The following KHSRP variants were observed in gnomAD, a reference collection of about 807,000 sequenced individuals.
KHSRP encodes the protein far upstream element-binding protein 2.
KHSRP carries 13 observed loss-of-function variants against 94.9 expected under a neutral mutation model. The ratio of observed to expected loss-of-function variants is 0.14; its 90% CI spans 0.09 to 0.22. KHSRP has a LOEUF of 0.22. Among genes scored for constraint, KHSRP ranks in the 10% least tolerant of loss-of-function variants. KHSRP has a pLI of 1.00. For missense variants in KHSRP, 710 were observed against 1,010.0 expected (o/e 0.70, Z 4.03); for synonymous variants, 495 against 401.4 (o/e 1.23, Z -2.79).
rs1274888382 is a variant in KHSRP at position 6,415,743 on chromosome 19, G to C, written c.1688-9C>G. 6.4e-7 allele frequency: 1 copy of C among 1,550,726 alleles called. No homozygotes were observed. Among genetic ancestry groups the C allele is most frequent in the Non-Finnish European group, 8.7e-7 (1 of 1,147,190 alleles). On this transcript the variant is annotated splice_polypyrimidine_tract_variant and intron_variant, in intron 16 of 18. Coordinates refer to ENST00000600480, the MANE Select transcript of KHSRP (RefSeq NM_001366299.1). Reference sequence around the variant, plus strand: ...CGCTGCAGCTGCTTTGCCTGCAGGAGATACCTCGGGTGAGACGGGGGGACA... The same window carrying C: ...CGCTGCAGCTGCTTTGCCTGCAGGACATACCTCGGGTGAGACGGGGGGACA...
rs1365293750 is a variant in KHSRP, at chr19:6,424,555, GCCGCCGCCGCCGGGA to G, written c.132_146del (p.Gly49_Gly53del). The G allele has an allele frequency of 3.2e-5, 31 of 961,366 alleles. No individual in the cohort carries two copies. The highest frequency in any genetic ancestry group is 1.3e-4 in the Admixed American group (2 of 15,724). The allele number at this position is 961,366 out of a possible 1,614,324, so 59.6% of individuals were successfully genotyped here. A position where few individuals can be genotyped will look rare whatever the true frequency, so the allele number is the denominator to read the frequency against. ...GGCCCCCGGCCGACCCCCCGCCCGG[GCCGCCGCCGCCGGGA>G]CCGCCGCCGCCCCGGTCCCCCGCGC... On this transcript the variant is annotated inframe_deletion, in exon 1 of 19. Transcript: ENST00000600480.
intron 17 of KHSRP, 30 bp from the exon 18 acceptor site, chr19:6,415,487 C>T (rs1267710643): frequency 4.5e-6 from 7 of 1,550,696 alleles, no homozygotes; most frequent in Admixed American, 3.9e-5. Context: ...GGTCAGAAAC[C>T]ACTCCCCCGG....
In KHSRP at chr19:6,416,310, C is replaced by T. The variant is rs1278433497; in HGVS notation, c.1586G>A (p.Gly529Glu). 4 of 1,601,888 alleles carry T rather than the reference C, an allele frequency of 2.5e-6. No homozygotes were observed. Among genetic ancestry groups the T allele is most frequent in the Non-Finnish European group, 3.4e-6 (4 of 1,176,640 alleles). The change falls in exon 15 of 19, where the codon GGG becomes GAG. Residue 529 changes from glycine to glutamate, a missense_variant. Around this residue, in one of 5 missense-constraint regions of KHSRP, gnomAD observed 292 missense variants for 340.5 expected, o/e 0.86. Transcript: ENST00000600480. ...AGAGGATACTCACTGTGGGGGAGCCCCGGGTGGCCCCTGGTTGAAGGGCCC... is the reference window on the plus strand; with the variant it reads ...AGAGGATACTCACTGTGGGGGAGCCTCGGGTGGCCCCTGGTTGAAGGGCCC... ...NPGPFNQGPP[G>E]APPHAGGPPP...
intron 13 of KHSRP, 33 bp downstream of exon 13, chr19:6,416,705 G>A (rs772128999): frequency 2.4e-5 from 39 of 1,611,416 alleles, no homozygotes; most frequent in Non-Finnish European, 2.7e-5. Flanking sequence ...GGGAAGAGGG[G>A]GCAAGGGATA....
Position 6,414,525 on chromosome 19 carries a change from C to T in KHSRP, c.*499G>A. On this transcript the variant is annotated 3_prime_UTR_variant, in exon 19 of 19. Transcript: ENST00000600480. ...AAGGTGGCAACGATCTTCACGCCCACTTCACAGACAAGCCCGGGACACAGG... is the reference window on the plus strand; with the variant it reads ...AAGGTGGCAACGATCTTCACGCCCATTTCACAGACAAGCCCGGGACACAGG... 6 of 1,044,672 alleles carry T rather than the reference C, an allele frequency of 5.7e-6. No homozygotes were observed. Among genetic ancestry groups the T allele is most frequent in the Non-Finnish European group, 6.9e-6 (6 of 868,478 alleles). The allele number at this position is 1,044,672 out of a possible 1,614,324, so 64.7% of individuals were successfully genotyped here.
chr19:6,418,261 G>A lies in KHSRP; in HGVS notation c.880-182C>T, dbSNP rs573909926. Among the ~76,000 whole-genome samples, 4 of 152,212 alleles carry A rather than the reference G, an allele frequency of 2.6e-5. No homozygotes were observed. In the South Asian group the frequency reaches 6.2e-4, roughly 24 times the overall value. The stretch of plus-strand genomic sequence containing the variant: ...GGCACTACCAGCAGCCCCGTTTCCA[G>A]ATAAAAAAGCAGAAGGTCAGAGGTG... On this transcript the variant is annotated intron_variant, in intron 9 of 18. Coordinates refer to ENST00000600480, the MANE Select transcript of KHSRP (RefSeq NM_001366299.1). This position sits in a 1 kb window ranked among gnomAD's most constrained non-coding sequence, Gnocchi z 4.3.
rs369979828 is a variant in KHSRP, at chr19:6,418,756, C to T, written c.726G>A (p.Ala242=). The T allele has an allele frequency of 2.6e-5, 42 of 1,612,938 alleles. No individual in the cohort carries two copies. In the Middle Eastern group the frequency reaches 5.0e-4, roughly 19 times the overall value. Residue 242 remains alanine (A), a synonymous_variant, in exon 8 of 19, where the codon GCG becomes GCA. Coordinates refer to ENST00000600480, the MANE Select transcript of KHSRP (RefSeq NM_001366299.1). The surrounding 1 kb of genome is among the most constrained non-coding windows in gnomAD (Gnocchi z 4.3). ...TGCCAATGACCAGGCCGGCCTTGCC[C>T]GCGGGGATCATGATCTCCTGCACGG... ...NGTVQEIMIP[A]GKAGLVIGKG...
Position 6,414,998 on chromosome 19 carries a change from C to A in KHSRP, c.*26G>T, listed in dbSNP as rs187033993. 7 of 1,448,220 alleles carry A rather than the reference C, an allele frequency of 4.8e-6. No individual in the cohort carries two copies. Among genetic ancestry groups the A allele is most frequent in the African/African-American group, 1.4e-5 (1 of 70,002 alleles). The allele number at this position is 1,448,220 out of a possible 1,614,324, so 89.7% of individuals were successfully genotyped here. A position where few individuals can be genotyped will look rare whatever the true frequency, so the allele number is the denominator to read the frequency against. On this transcript the variant is annotated 3_prime_UTR_variant, in exon 19 of 19. Coordinates refer to ENST00000600480, the MANE Select transcript of KHSRP (RefSeq NM_001366299.1). ...GTGCGTGGGGACTCCCGGAGACCTC[C>A]GGCCACACGGCCCCCGCTGCAGGCA... is the stretch of plus-strand genomic sequence containing the variant.
chr19:6,424,362 G>T (rs1315963505), intron 1 of KHSRP, 91 bp downstream of exon 1: 1 of 579,900 alleles, frequency 1.7e-6, no homozygotes, highest in Non-Finnish European at 2.2e-6. Flanking sequence ...CCCCCTCCGC[G>T]ACCCTGCGCG....
At position 6,422,181 on chromosome 19, in the gene KHSRP, G is replaced by A. The variant is rs147453856; in HGVS notation, c.346+159C>T. On this transcript the variant is annotated intron_variant, in intron 2 of 18. Transcript: ENST00000600480. ...TCTCTGCCACCTGATACCTCAGGAT[G>A]GCAGACGGAACAAGAAGAATTAACA... Among the ~76,000 whole-genome samples the A allele has an allele frequency of 4.0e-4, 61 of 152,284 alleles. 1 individual carries two copies. The highest frequency in any genetic ancestry group is 1.2e-3 in the Admixed American group (18 of 15,290).
In KHSRP at chr19:6,414,520, G is replaced by A. The variant is rs1285755014; in HGVS notation, c.*504C>T. On this transcript the variant is annotated 3_prime_UTR_variant, in exon 19 of 19. Transcript: ENST00000600480. ...GTTGGAAGGTGGCAACGATCTTCACGCCCACTTCACAGACAAGCCCGGGAC... is the reference window on the plus strand; with the variant it reads ...GTTGGAAGGTGGCAACGATCTTCACACCCACTTCACAGACAAGCCCGGGAC... The A allele has an allele frequency of 2.5e-5, 26 of 1,046,164 alleles. No individual in the cohort carries two copies. The Admixed American group carries it at 4.7e-4, about 19-fold the overall frequency. 64.8% of individuals were successfully genotyped at this position (1,046,164 alleles called of 1,614,324 possible).
intron 11 of KHSRP, among the ~76,000 whole-genome samples, chr19:6,417,315 A>AGCACCCC (rs2092155168): frequency 1.3e-5 from 2 of 152,196 alleles, no homozygotes; most frequent in South Asian, 4.1e-4. Flanking sequence ...TCCAGCACAC[A>AGCACCCC]GCACCCCCAG....
chr19:6,422,379 A>C lies in KHSRP; in HGVS notation c.307T>G (p.Phe103Val). The C allele has an allele frequency of 6.2e-7, 1 of 1,613,882 alleles. No homozygotes were observed. The highest frequency in any genetic ancestry group is 8.5e-7 in the Non-Finnish European group (1 of 1,179,832). The change falls in exon 2 of 19, where the codon TTT becomes GTT. Residue 103 changes from phenylalanine (F) to valine (V), a missense_variant. Phe to Val is a conservative substitution (Grantham distance 50). Coordinates refer to ENST00000600480, the MANE Select transcript of KHSRP (RefSeq NM_001366299.1). ...TGTCTCTTTTGGCCCCCAAAACCAA[A>C]ATCAGGAGTGCTGTTATTCACTGTC... ...ATTVNNSTPD[F>V]GFGGQKRQLE...
rs1242957614 is a variant in KHSRP, at chr19:6,413,152, G to GA, written c.*1871_*1872insT. Among the ~76,000 whole-genome samples the GA allele has an allele frequency of 7.0e-6, 1 of 141,888 alleles. No homozygotes were observed. Among genetic ancestry groups the GA allele is most frequent in the Non-Finnish European group, 1.5e-5 (1 of 64,912 alleles). The allele number at this position is 141,888 out of a possible 152,430, so 93.1% of individuals were successfully genotyped here. ...TTTAACAAAAAAAAAAAAGGGGGGGGGGCACGGTTAGGAAAGCACATTGAG... is the reference window on the plus strand; with the variant it reads ...TTTAACAAAAAAAAAAAAGGGGGGGGAGGCACGGTTAGGAAAGCACATTGAG... On this transcript the variant is annotated 3_prime_UTR_variant, in exon 19 of 19. Coordinates refer to ENST00000600480, the MANE Select transcript of KHSRP (RefSeq NM_001366299.1).
chr19:6,417,362 A>C (rs138583060), intron 11 of KHSRP, among the ~76,000 whole-genome samples: 1 of 152,348 alleles, frequency 6.6e-6, no homozygotes, highest in African/African-American at 2.4e-5. Flanking sequence ...ATCTCTGAAA[A>C]GCCAGAGGGG....
In KHSRP at chr19:6,414,261, A is replaced by C; in HGVS notation, c.*763T>G. The C allele has an allele frequency of 6.8e-7, 1 of 1,466,924 alleles. No individual in the cohort carries two copies. Among genetic ancestry groups the C allele is most frequent in the South Asian group, 1.4e-5 (1 of 71,462 alleles). The allele number at this position is 1,466,924 out of a possible 1,614,324, so 90.9% of individuals were successfully genotyped here. A position where few individuals can be genotyped will look rare whatever the true frequency, so the allele number is the denominator to read the frequency against. On this transcript the variant is annotated 3_prime_UTR_variant, in exon 19 of 19. Transcript: ENST00000600480. Reference sequence around the variant, plus strand: ...CAAACCTGCGCTGGCTCAGGCTGGAAGGACGTGCTTGTTAACTGTCTAGCC... The same window carrying C: ...CAAACCTGCGCTGGCTCAGGCTGGACGGACGTGCTTGTTAACTGTCTAGCC...
chr19:6,418,448 C>T lies in KHSRP; in HGVS notation c.879+35G>A. The T allele has an allele frequency of 3.9e-6, 6 of 1,557,906 alleles. No homozygotes were observed. Among genetic ancestry groups the T allele is most frequent in the Non-Finnish European group, 5.3e-6 (6 of 1,132,462 alleles). On this transcript the variant is annotated intron_variant, in intron 9 of 18. Coordinates refer to ENST00000600480, the MANE Select transcript of KHSRP (RefSeq NM_001366299.1). The surrounding 1 kb of genome is among the most constrained non-coding windows in gnomAD (Gnocchi z 4.3). ...GCCCTGCCCACCTGCCCGTGCCTCTCCAGAACCCCCTCCACCACCCCAGGG... is the reference window on the plus strand; with the variant it reads ...GCCCTGCCCACCTGCCCGTGCCTCTTCAGAACCCCCTCCACCACCCCAGGG...
Position 6,415,181 on chromosome 19 carries a change from C to G in KHSRP, c.2087G>C (p.Gly696Ala). 6.2e-7 allele frequency: 1 copy of G among 1,609,664 alleles called. No homozygotes were observed. ...AAYYGQTPGP[G>A]GPQPPPTQQG... ...CTGCGTGGGCGGCGGCTGGGGGCCG[C>G]CAGGACCTGGGGTCTGTCCGTAGTA... The change falls in exon 19 of 19, where the codon GGC (glycine) becomes GCC (alanine). Residue 696 changes from glycine (G) to alanine (A), a missense_variant. Coordinates refer to ENST00000600480, the MANE Select transcript of KHSRP (RefSeq NM_001366299.1).
rs2092188345 is a variant in KHSRP at position 6,420,446 on chromosome 19, C to T, written c.451G>A (p.Val151Ile). 6.2e-7 allele frequency: 1 copy of T among 1,614,010 alleles called. No individual in the cohort carries two copies. The highest frequency in any genetic ancestry group is 8.5e-7 in the Non-Finnish European group (1 of 1,179,860). The change falls in exon 5 of 19, where the codon GTC becomes ATC. Residue 151 changes from valine (V) to isoleucine (I), a missense_variant. Physicochemically the swap from Val to Ile is conservative, Grantham distance 29. Around this residue, in one of 5 missense-constraint regions of KHSRP, gnomAD observed 288 missense variants for 501.1 expected, o/e 0.57. Transcript: ENST00000600480. ...CTCAGGCCCACCATGCCGTCTGGGA[C>T]CCTGTACTCTTCTGTCATTGAAGTC... Reference protein sequence around the residue: ...PRTSMTEEYRVPDGMVGLIIG... With the variant: ...PRTSMTEEYRIPDGMVGLIIG...
Sources: gnomAD v4.1 joint callset for allele counts (sites outside exome capture counted in the v4.1 genomes callset) on GRCh38, gnomAD v4.1.1 for gene constraint, gnomAD v4.1.1 regional missense constraint, Gnocchi (gnomAD v3.1) non-coding constraint, MANE v1.5 for transcripts, NCBI Gene and HGNC (gene_info 2026-07-23, HGNC 2026-07-21) for gene names.